SNTG1: variants seen among roughly 807,000 people sequenced by gnomAD.
SNTG1 encodes the protein gamma-1-syntrophin.
Under a neutral mutation model 74.7 loss-of-function variants are expected in SNTG1, and 39 were observed. That is an observed-to-expected ratio of 0.52 (90% confidence interval 0.40 to 0.68). The LOEUF is 0.68. SNTG1 is among the 30% of genes least tolerant of loss of function. SNTG1 has a pLI of 0.00. For missense variants in SNTG1, 685 were observed against 609.5 expected, an observed-to-expected ratio of 1.12 and a Z score of -1.30; for synonymous variants, 254 against 217.1, an observed-to-expected ratio of 1.17 and a Z score of -1.49.
intron 17 of SNTG1, among the ~76,000 whole-genome samples, chr8:50,723,535 C>T (rs2095492733): frequency 1.3e-5 from 2 of 152,154 alleles, no homozygotes; most frequent in Admixed American, 6.5e-5. Context: ...ATGTTTCCCC[C>T]ACTTCCCGAT....
At chr8:50,043,002 T>C (rs1458965432) in intron 1 of SNTG1, among the ~76,000 whole-genome samples, 1 of 152,222 alleles carries the variant, frequency 6.6e-6, no homozygotes, top group Non-Finnish European at 1.5e-5. Context: ...AAAGTTATGA[T>C]TTTTTAAAAT....
In SNTG1 at chr8:50,549,821, T is replaced by C. The variant is rs115961414; in HGVS notation, c.681-3229T>C. 2.5e-3 allele frequency among the ~76,000 whole-genome samples: 376 copies of C among 152,324 alleles called. 3 individuals carry two copies. Among genetic ancestry groups the C allele is most frequent in the African/African-American group, 8.5e-3 (354 of 41,574 alleles). On this transcript the variant is annotated intron_variant, in intron 11 of 18. Coordinates refer to ENST00000642720, the MANE Select transcript of SNTG1 (RefSeq NM_018967.5). ...TCCCTTACCTGCCCCAACCAAGCCG[T>C]TCCACTGTTTAGCCCAATAGGGTGG...
At chr8:50,577,968 G>A (rs942609576) in intron 12 of SNTG1, among the ~76,000 whole-genome samples, 3 of 152,140 alleles carry the variant, frequency 2.0e-5, no homozygotes, top group African/African-American at 7.2e-5. Context: ...AAGAGAAAAT[G>A]GCATTATGTT....
At chr8:50,510,701 G>A (rs2955606) in intron 9 of SNTG1, among the ~76,000 whole-genome samples, 41,892 of 151,968 alleles carry the variant, frequency 0.28, 7,389 homozygotes, top group African/African-American at 0.5. Context: ...GTTTTTTTGC[G>A]TAGAGGTGTT....
intron 8 of SNTG1, among the ~76,000 whole-genome samples, chr8:50,461,706 C>CTGT (rs1038005304): frequency 6.8e-6 from 1 of 146,534 alleles, no homozygotes; most frequent in Non-Finnish European, 1.5e-5. Context: ...GTAGGATTTG[C>CTGT]TGTTGTTGTT....
chr8:50,426,549 G>A (rs2093165856), intron 4 of SNTG1, among the ~76,000 whole-genome samples: 1 of 151,662 alleles, frequency 6.6e-6, no homozygotes, highest in South Asian at 2.1e-4. Flanking sequence ...TTTAAGCTAA[G>A]TGTTATTAAA....
At chr8:50,112,328 A>G (rs1177362459) in intron 1 of SNTG1, among the ~76,000 whole-genome samples, 2 of 152,078 alleles carry the variant, frequency 1.3e-5, no homozygotes, top group Non-Finnish European at 2.9e-5. Context: ...CACTAAACAT[A>G]TTAAAATAGA....
At chr8:50,251,550 G>A (rs1333254826) in intron 2 of SNTG1, among the ~76,000 whole-genome samples, 3 of 151,478 alleles carry the variant, frequency 2.0e-5, no homozygotes, top group Non-Finnish European at 2.9e-5. Context: ...CATACAAATG[G>A]AAACCAAAAC....
intron 9 of SNTG1, among the ~76,000 whole-genome samples, chr8:50,515,358 T>C (rs1449720757): frequency 6.6e-6 from 1 of 150,942 alleles, no homozygotes; most frequent in Non-Finnish European, 1.5e-5. Context: ...TGGGCAGCCA[T>C]TTGGGCAGAC....
intron 17 of SNTG1, chr8:50,709,284 C>T (rs530445910): frequency 7.6e-5 from 28 of 368,222 alleles, no homozygotes; most frequent in Non-Finnish European, 1.3e-4. Context: ...ATTGAAGGGA[C>T]ATTTTCTTCC....
chr8:50,114,813 C>T (rs1252332273), intron 1 of SNTG1, among the ~76,000 whole-genome samples: 1 of 151,948 alleles, frequency 6.6e-6, no homozygotes, highest in Non-Finnish European at 1.5e-5. Flanking sequence ...TGCAATGAGC[C>T]GAGATCGTGC....
intron 2 of SNTG1, among the ~76,000 whole-genome samples, chr8:50,209,313 A>G (rs2084397268): frequency 6.6e-6 from 1 of 152,182 alleles, no homozygotes; most frequent in African/African-American, 2.4e-5. Context: ...TAGCTGAACA[A>G]AAGGCAACAG....
At chr8:50,789,900 C>A (rs1413840030) in intron 18 of SNTG1, among the ~76,000 whole-genome samples, 1 of 151,968 alleles carries the variant, frequency 6.6e-6, no homozygotes, top group Admixed American at 6.6e-5. Flanking sequence ...TCATTGTCTG[C>A]CAAGTACTTC....
intron 8 of SNTG1, among the ~76,000 whole-genome samples, chr8:50,474,961 G>A (rs2093684329): frequency 6.6e-6 from 1 of 151,490 alleles, no homozygotes; most frequent in African/African-American, 2.4e-5. Flanking sequence ...ATCATTCTGA[G>A]CAAACTATCG....
At chr8:50,204,904 C>A (rs1055723229) in intron 2 of SNTG1, among the ~76,000 whole-genome samples, 5 of 152,220 alleles carry the variant, frequency 3.3e-5, no homozygotes, top group African/African-American at 9.6e-5. Flanking sequence ...TGAACTCATC[C>A]TTTTTTATGG....
At chr8:50,056,356 G>T (rs1326565443) in intron 1 of SNTG1, among the ~76,000 whole-genome samples, 2 of 152,122 alleles carry the variant, frequency 1.3e-5, no homozygotes, top group Non-Finnish European at 2.9e-5. Context: ...AAAGAGAAGA[G>T]CCTGAACCTT....
intron 12 of SNTG1, chr8:50,568,875 T>C (rs886136293): frequency 6.6e-6 from 1 of 152,180 alleles, no homozygotes; most frequent in African/African-American, 2.4e-5. Context: ...TTTCCTATCA[T>C]CTGTAGAGTA....
At chr8:50,328,615 C>A (rs1018577811) in intron 2 of SNTG1, among the ~76,000 whole-genome samples, 1 of 152,264 alleles carries the variant, frequency 6.6e-6, no homozygotes, top group African/African-American at 2.4e-5. Context: ...ATGAGAACAG[C>A]ATAGGAGAAA....
chr8:50,301,836 G>T (rs2089661135), intron 2 of SNTG1, among the ~76,000 whole-genome samples: 1 of 144,976 alleles, frequency 6.9e-6, no homozygotes, highest in African/African-American at 2.5e-5. Flanking sequence ...TTTTGTTTTT[G>T]TTTTTGTTTT....
Sources: allele counts gnomAD v4.1 joint callset (sites outside exome capture counted in the v4.1 genomes callset), GRCh38; gene constraint gnomAD v4.1.1; transcripts MANE v1.5; gene names NCBI Gene and HGNC (gene_info 2026-07-23, HGNC 2026-07-21).